Variants in SC5D observed in about 807,000 individuals in gnomAD.
The protein encoded by SC5D is sterol-C5-desaturase.
A neutral mutation model predicts 23.9 loss-of-function variants in SC5D; 21 were observed. The ratio of observed to expected loss-of-function variants is 0.88; its 90% CI spans 0.62 to 1.26. The LOEUF (loss-of-function observed/expected upper bound fraction) is 1.26, where lower values mean the gene tolerates loss of function less well. Ranked by LOEUF, SC5D falls within the 50% of genes most tolerant of loss-of-function variation. The pLI is 0.00. For missense variants in SC5D, 309 were observed against 364.8 expected (o/e 0.85, Z 1.25); for synonymous variants, 113 against 125.9 (o/e 0.90, Z 0.68).
Position 121,303,592 on chromosome 11 carries a change from A to AC in SC5D, c.210+7_210+8insC. The AC allele has an allele frequency of 1.3e-6, 2 of 1,585,834 alleles. No individual in the cohort carries two copies. Among genetic ancestry groups the AC allele is most frequent in the Non-Finnish European group, 1.7e-6 (2 of 1,154,672 alleles). On this transcript the variant is annotated splice_region_variant and intron_variant, in intron 2 of 4. Coordinates refer to ENST00000264027, the MANE Select transcript of SC5D (RefSeq NM_006918.5). Reference sequence around the variant, plus strand: ...ACATCCACAATTTTTAAAGGTAAGAAATGTTTTTACCTATTTTCTAACGAT... The same window carrying AC: ...ACATCCACAATTTTTAAAGGTAAGAACATGTTTTTACCTATTTTCTAACGAT...
In SC5D at chr11:121,310,160, A is replaced by G. The variant is rs549226558; in HGVS notation, c.*2648A>G. ...TGTAGAGAGGAGGTCTGGGAGAAAGATGGAAACTAGGGAGATGACTGAGAA... is the reference window on the plus strand; with the variant it reads ...TGTAGAGAGGAGGTCTGGGAGAAAGGTGGAAACTAGGGAGATGACTGAGAA... On this transcript the variant is annotated 3_prime_UTR_variant, in exon 5 of 5. Transcript: ENST00000264027. Among the ~76,000 whole-genome samples the G allele has an allele frequency of 1.3e-5, 2 of 152,246 alleles. No homozygotes were observed. Among genetic ancestry groups the G allele is most frequent in the African/African-American group, 4.8e-5 (2 of 41,460 alleles).
At chr11:121,297,452 CTT>C (rs1350883186) in intron 1 of SC5D, among the ~76,000 whole-genome samples, 1 of 152,206 alleles carries the variant, frequency 6.6e-6, no homozygotes, top group African/African-American at 2.4e-5. Flanking sequence ...AAGTTGTTTT[CTT>C]TTTGCTTTAA....
In SC5D at chr11:121,311,248, T is replaced by A. The variant is rs1320827385; in HGVS notation, c.*3736T>A. On this transcript the variant is annotated 3_prime_UTR_variant, in exon 5 of 5. Transcript: ENST00000264027. ...TTCTCTTCCATATATGTTTAATAAATCCCTGATAGGTGCTAAGCACTGCAC... is the reference window on the plus strand; with the variant it reads ...TTCTCTTCCATATATGTTTAATAAAACCCTGATAGGTGCTAAGCACTGCAC... 6.6e-6 allele frequency among the ~76,000 whole-genome samples: 1 copy of A among 152,230 alleles called. No homozygotes were observed. The highest frequency in any genetic ancestry group is 1.9e-4 in the East Asian group (1 of 5,204).
chr11:121,312,712 C>T lies in SC5D; in HGVS notation c.*5200C>T, dbSNP rs183946033. On this transcript the variant is annotated 3_prime_UTR_variant, in exon 5 of 5. Coordinates refer to ENST00000264027, the MANE Select transcript of SC5D (RefSeq NM_006918.5). ...GCTATAATTGCACTACTGCACTCCA[C>T]GCTGGGTGACAGAGCAAGACCCTAT... is the stretch of plus-strand genomic sequence containing the variant. 1.6e-4 allele frequency among the ~76,000 whole-genome samples: 24 copies of T among 152,092 alleles called. No individual in the cohort carries two copies. In the East Asian group the frequency reaches 4.1e-3, roughly 26 times the overall value.
rs1246950476 is a variant in SC5D, at chr11:121,308,448, C to T, written c.*936C>T. On this transcript the variant is annotated 3_prime_UTR_variant, in exon 5 of 5. Coordinates refer to ENST00000264027, the MANE Select transcript of SC5D (RefSeq NM_006918.5). Reference sequence around the variant, plus strand: ...GCCAAATACCTAGGCCCATTGCTGACGATTAGTTCTAAAATCTTATTCCTC... The same window carrying T: ...GCCAAATACCTAGGCCCATTGCTGATGATTAGTTCTAAAATCTTATTCCTC... 6.6e-6 allele frequency: 1 copy of T among 152,146 alleles called. No individual in the cohort carries two copies. Among genetic ancestry groups the T allele is most frequent in the East Asian group, 1.9e-4 (1 of 5,196 alleles). 9.4% of individuals were successfully genotyped at this position (152,146 alleles called of 1,614,324 possible).
At chr11:121,295,963 A>G (rs1299781530) in intron 1 of SC5D, among the ~76,000 whole-genome samples, 1 of 152,074 alleles carries the variant, frequency 6.6e-6, no homozygotes, top group East Asian at 1.9e-4. Context: ...TCAGGCTATC[A>G]TTTTCTCTGG....
intron 1 of SC5D, among the ~76,000 whole-genome samples, chr11:121,299,657 A>AGGT (rs1947912741): frequency 6.6e-6 from 1 of 152,224 alleles, no homozygotes; most frequent in African/African-American, 2.4e-5. Flanking sequence ...TGGGAGGCTG[A>AGGT]GGTGGGTGGA....
chr11:121,306,807 A>G (rs1444575842), intron 4 of SC5D: 2 of 623,256 alleles, frequency 3.2e-6, no homozygotes, highest in African/African-American at 1.8e-5. Flanking sequence ...TGCACTCTTC[A>G]GGTGCTAGGT....
At position 121,310,977 on chromosome 11, in the gene SC5D, A is replaced by G. The variant is rs1948006117; in HGVS notation, c.*3465A>G. Among the ~76,000 whole-genome samples, 1 of 152,258 alleles carries G rather than the reference A, an allele frequency of 6.6e-6. No individual in the cohort carries two copies. Among genetic ancestry groups the G allele is most frequent in the Admixed American group, 6.5e-5 (1 of 15,290 alleles). The stretch of plus-strand genomic sequence containing the variant: ...CTAAGACAAGGGGGAAGAAATTTGC[A>G]TTCCTGATCTTCCCAACTTCTTCAA... On this transcript the variant is annotated 3_prime_UTR_variant, in exon 5 of 5. Coordinates refer to ENST00000264027, the MANE Select transcript of SC5D (RefSeq NM_006918.5).
Position 121,296,617 on chromosome 11 carries a change from C to T in SC5D, c.-11+3801C>T, listed in dbSNP as rs115097796. Reference sequence around the variant, plus strand: ...TTGCATATATATCTGTATTGCAGCACGTGTCCTATTGCTAGAATTGTTTTT... The same window carrying T: ...TTGCATATATATCTGTATTGCAGCATGTGTCCTATTGCTAGAATTGTTTTT... On this transcript the variant is annotated intron_variant, in intron 1 of 4. Coordinates refer to ENST00000264027, the MANE Select transcript of SC5D (RefSeq NM_006918.5). Among the ~76,000 whole-genome samples the T allele has an allele frequency of 8.0e-3, 1,220 of 152,286 alleles. 22 individuals are homozygous for T. Among genetic ancestry groups the T allele is most frequent in the African/African-American group, 0.027 (1,119 of 41,544 alleles).
chr11:121,304,240 A>G (rs1947946168), intron 2 of SC5D, 121 bp from the exon 3 acceptor site: 2 of 797,810 alleles, frequency 2.5e-6, no homozygotes, highest in East Asian at 2.6e-5. Flanking sequence ...TAATAGAAAC[A>G]GTTTGGAGGT....
At position 121,310,758 on chromosome 11, in the gene SC5D, C is replaced by T. The variant is rs1274821065; in HGVS notation, c.*3246C>T. Among the ~76,000 whole-genome samples, 3 of 152,114 alleles carry T rather than the reference C, an allele frequency of 2.0e-5. No homozygotes were observed. The highest frequency in any genetic ancestry group is 1.9e-4 in the East Asian group (1 of 5,196). ...TATAGGTGTGAGCCACCATGCCCAG[C>T]CCCTTCTGTCCCTTCTAACGTGAGG... is the stretch of plus-strand genomic sequence containing the variant. On this transcript the variant is annotated 3_prime_UTR_variant, in exon 5 of 5. Transcript: ENST00000264027.
chr11:121,293,331 T>C (rs1023082205), intron 1 of SC5D, among the ~76,000 whole-genome samples: 37 of 152,228 alleles, frequency 2.4e-4, no homozygotes, highest in Admixed American at 7.8e-4. Context: ...CACGAATGCT[T>C]TACTTTTCCC....
rs11823304 is a variant in SC5D at position 121,304,642 on chromosome 11, T to C, written c.343+149T>C. 4.3e-3 allele frequency: 3,019 copies of C among 696,146 alleles called. 49 individuals are homozygous for C. Among genetic ancestry groups the C allele is most frequent in the African/African-American group, 0.036 (1,974 of 55,356 alleles). The allele number at this position is 696,146 out of a possible 1,614,324, so 43.1% of individuals were successfully genotyped here. On this transcript the variant is annotated intron_variant, in intron 3 of 4. Coordinates refer to ENST00000264027, the MANE Select transcript of SC5D (RefSeq NM_006918.5). ...TTAATGTTCTATTTTCATGTGTTCATGTCTTGCCACATGTGCATTTCTTTA... is the reference window on the plus strand; with the variant it reads ...TTAATGTTCTATTTTCATGTGTTCACGTCTTGCCACATGTGCATTTCTTTA...
rs566337888 is a variant in SC5D, at chr11:121,306,870, C to T, written c.445-187C>T. 76 of 676,522 alleles carry T rather than the reference C, an allele frequency of 1.1e-4. No homozygotes were observed. The East Asian group carries it at 2.0e-3, about 18-fold the overall frequency. The allele number at this position is 676,522 out of a possible 1,614,324, so 41.9% of individuals were successfully genotyped here. A position where few individuals can be genotyped will look rare whatever the true frequency, so the allele number is the denominator to read the frequency against. On this transcript the variant is annotated intron_variant, in intron 4 of 4. Transcript: ENST00000264027. ...GCAGTATATCCATGGAACACCACTG[C>T]ACTTGTACTCATAAATCCATATAAA... is the stretch of plus-strand genomic sequence containing the variant.
At position 121,304,136 on chromosome 11, in the gene SC5D, G is replaced by A. The variant is rs1947945043; in HGVS notation, c.211-225G>A. 8.4e-6 allele frequency: 4 copies of A among 475,646 alleles called. No homozygotes were observed. The Admixed American group carries it at 1.4e-4, about 17-fold the overall frequency. 29.5% of individuals were successfully genotyped at this position (475,646 alleles called of 1,614,324 possible). A position where few individuals can be genotyped will look rare whatever the true frequency, so the allele number is the denominator to read the frequency against. ...TTTAGAATGCAGATTTTGGAGGAAG[G>A]AAAAAAGGTTTCAGAATTTGAAATA... On this transcript the variant is annotated intron_variant, in intron 2 of 4. Transcript: ENST00000264027.
Position 121,308,203 on chromosome 11 carries a change from T to C in SC5D, c.*691T>C, listed in dbSNP as rs1947982354. 6.6e-6 allele frequency: 1 copy of C among 152,242 alleles called. No individual in the cohort carries two copies. Among genetic ancestry groups the C allele is most frequent in the Admixed American group, 6.5e-5 (1 of 15,288 alleles). The allele number at this position is 152,242 out of a possible 1,614,324, so 9.4% of individuals were successfully genotyped here. On this transcript the variant is annotated 3_prime_UTR_variant, in exon 5 of 5. Transcript: ENST00000264027. ...TAAAAATATCGATATCACCATGATTTAATCCAGATCTGGGATTATGTAGCT... is the reference window on the plus strand; with the variant it reads ...TAAAAATATCGATATCACCATGATTCAATCCAGATCTGGGATTATGTAGCT...
At position 121,307,378 on chromosome 11, in the gene SC5D, A is replaced by T; in HGVS notation, c.766A>T (p.Asn256Tyr). The T allele has an allele frequency of 6.2e-7, 1 of 1,614,030 alleles. No homozygotes were observed. The highest frequency in any genetic ancestry group is 1.1e-5 in the South Asian group (1 of 91,070). ...GGATAGGATTGGCGGCTCATTCAAA[A>T]ATCCTTCATCCTTTGAGGGGAAGGG... The part of the protein sequence containing the change: ...LWDRIGGSFK[N>Y]PSSFEGKGPL... The change falls in exon 5 of 5, where the codon AAT becomes TAT. Residue 256 changes from asparagine to tyrosine, a missense_variant. Transcript: ENST00000264027.
chr11:121,306,701 A>G (rs1947968202), intron 4 of SC5D: 3 of 668,114 alleles, frequency 4.5e-6, no homozygotes, highest in African/African-American at 1.8e-5. Context: ...ACAGGTACAC[A>G]TGGACTTACA....
Sources: gnomAD v4.1 joint callset for allele counts (sites outside exome capture counted in the v4.1 genomes callset) on GRCh38, gnomAD v4.1.1 for gene constraint, MANE v1.5 for transcripts, NCBI Gene and HGNC (gene_info 2026-07-23, HGNC 2026-07-21) for gene names.